Variants in SAMTOR observed in about 807,000 individuals in gnomAD.
SAMTOR encodes S-adenosylmethionine sensor upstream of mTORC1.
the SAMTOR span, among the ~76,000 whole-genome samples, chr7:112,907,997 T>C: frequency 6.6e-6 from 1 of 152,060 alleles, no homozygotes; most frequent in Non-Finnish European, 1.5e-5. Flanking sequence ...TCTACAAATA[T>C]ACAATGACAA....
At chr7:112,899,834 C>A in the SAMTOR span, among the ~76,000 whole-genome samples, 3 of 144,424 alleles carry the variant, frequency 2.1e-5, no homozygotes, top group African/African-American at 7.9e-5. Context: ...GAATACTGTA[C>A]CCCGCAAAGC....
the SAMTOR span, among the ~76,000 whole-genome samples, chr7:112,921,808 C>T: frequency 8.8e-6 from 1 of 113,874 alleles, no homozygotes; most frequent in African/African-American, 3.5e-5. Flanking sequence ...CAAAAGAAGA[C>T]ATTTATGCAG....
At chr7:112,832,488 A>G in the SAMTOR span, 1 of 832,426 alleles carries the variant, frequency 1.2e-6, no homozygotes, top group Non-Finnish European at 2.1e-6. Flanking sequence ...TATTTTAGGG[A>G]TGCAAAGACA....
chr7:112,890,580 T>C, the SAMTOR span, among the ~76,000 whole-genome samples: 1 of 152,016 alleles, frequency 6.6e-6, no homozygotes, highest in Non-Finnish European at 1.5e-5. Context: ...AAATGGACTC[T>C]TGAGTGAGCC....
chr7:112,923,686 T>C, the SAMTOR span, among the ~76,000 whole-genome samples: 1 of 151,892 alleles, frequency 6.6e-6, no homozygotes, highest in Non-Finnish European at 1.5e-5. Context: ...AGCCATCCCA[T>C]TACTGGGTAT....
chr7:112,826,416 T>C, the SAMTOR span, among the ~76,000 whole-genome samples: 2 of 152,160 alleles, frequency 1.3e-5, no homozygotes, highest in African/African-American at 4.8e-5. Flanking sequence ...TTTCAAGGAA[T>C]TGGTCCATTT....
chr7:112,848,522 G>A, the SAMTOR span, among the ~76,000 whole-genome samples: 14,561 of 152,084 alleles, frequency 0.096, 952 homozygotes, highest in South Asian at 0.2. Flanking sequence ...AAAATCTTAC[G>A]GGAGTAGAAC....
At chr7:112,908,735 G>T in the SAMTOR span, among the ~76,000 whole-genome samples, 1 of 152,048 alleles carries the variant, frequency 6.6e-6, no homozygotes, top group East Asian at 1.9e-4. Context: ...ACACTGGTAG[G>T]ATAAAAACAA....
At chr7:112,874,349 T>C in the SAMTOR span, among the ~76,000 whole-genome samples, 5 of 152,114 alleles carry the variant, frequency 3.3e-5, no homozygotes, top group Admixed American at 3.3e-4. Context: ...CACAGAATAC[T>C]ATGCAGCCAT....
chr7:112,836,288 T>C, the SAMTOR span, among the ~76,000 whole-genome samples: 1 of 152,208 alleles, frequency 6.6e-6, no homozygotes, highest in Admixed American at 6.5e-5. Flanking sequence ...TGTCTTCTTT[T>C]GAGAAGTGTC....
chr7:112,857,665 G>T, the SAMTOR span, among the ~76,000 whole-genome samples: 8 of 152,286 alleles, frequency 5.3e-5, no homozygotes, highest in South Asian at 1.2e-3. Context: ...CACAGAAGAA[G>T]AATTTAGAAG....
chr7:112,916,481 A>AACAGCTCCGGTCT, the SAMTOR span, among the ~76,000 whole-genome samples: 3 of 152,196 alleles, frequency 2.0e-5, no homozygotes, highest in Non-Finnish European at 4.4e-5. Context: ...GCCGAACAGG[A>AACAGCTCCGGTCT]ACAGCTCCGG....
At chr7:112,821,924 AC>A in the SAMTOR span, 2 of 1,613,020 alleles carry the variant, frequency 1.2e-6, no homozygotes, top group Non-Finnish European at 1.7e-6. Context: ...CATCTTCTAT[AC>A]TGTTGAAATC....
chr7:112,924,974 G>C, the SAMTOR span, among the ~76,000 whole-genome samples: 1 of 152,140 alleles, frequency 6.6e-6, no homozygotes, highest in Admixed American at 6.5e-5. Flanking sequence ...CAATGTTCAA[G>C]TTGAAGGTAT....
the SAMTOR span, among the ~76,000 whole-genome samples, chr7:112,862,346 C>T: frequency 6.6e-6 from 1 of 152,270 alleles, no homozygotes; most frequent in African/African-American, 2.4e-5. Flanking sequence ...CTGTTTCAAA[C>T]CTCAATGTTG....
chr7:112,936,320 C>G, the SAMTOR span, among the ~76,000 whole-genome samples: 2 of 152,200 alleles, frequency 1.3e-5, no homozygotes, highest in Non-Finnish European at 2.9e-5. Context: ...GCTTCAGATA[C>G]GAGTGCTGCC....
chr7:112,900,318 A>G, the SAMTOR span, among the ~76,000 whole-genome samples: 2 of 152,184 alleles, frequency 1.3e-5, no homozygotes, highest in East Asian at 1.9e-4. Context: ...GAACCATTTT[A>G]TAAGTTGTAG....
chr7:112,890,121 G>A, the SAMTOR span, among the ~76,000 whole-genome samples: 1 of 152,140 alleles, frequency 6.6e-6, no homozygotes, highest in African/African-American at 2.4e-5. Context: ...ATGGCTGATG[G>A]GGAGGCTATG....
the SAMTOR span, among the ~76,000 whole-genome samples, chr7:112,887,794 C>G: frequency 6.6e-6 from 1 of 152,010 alleles, no homozygotes; most frequent in Non-Finnish European, 1.5e-5. Flanking sequence ...GGTGGGCTCT[C>G]TTTCATTTTT....
Sources: allele counts gnomAD v4.1 joint callset (sites outside exome capture counted in the v4.1 genomes callset), GRCh38; gene constraint gnomAD v4.1.1; transcripts MANE v1.5; gene names NCBI Gene and HGNC (gene_info 2026-07-23, HGNC 2026-07-21).